The following COL4A4 variants were observed in gnomAD, a reference collection of about 807,000 sequenced individuals.
The protein encoded by COL4A4 is collagen alpha-4(IV) chain.
A neutral mutation model predicts 192.9 loss-of-function variants in COL4A4; 105 were observed. The observed-to-expected ratio is 0.54, with a 90% CI of 0.46 to 0.64. COL4A4 has a LOEUF of 0.64. Among genes scored for constraint, COL4A4 ranks in the 30% least tolerant of loss-of-function variants. The pLI is 0.00. For synonymous variants in COL4A4, 762 were observed against 769.9 expected, an observed-to-expected ratio of 0.99 and a Z score of 0.17; for missense variants, 1,967 against 2,169.3, an observed-to-expected ratio of 0.91 and a Z score of 1.85.
rs561500837 is a variant in COL4A4, at chr2:227,004,482, C to T, written c.*2843G>A. On this transcript the variant is annotated 3_prime_UTR_variant, in exon 48 of 48. Coordinates refer to ENST00000396625, the MANE Select transcript of COL4A4 (RefSeq NM_000092.5). ...ATTTGGACTTCATGGGCAGCGGAGT[C>T]ACAGAAGGATTCTAATCCAGAGGGT... The T allele has an allele frequency of 1.3e-5, 2 of 152,332 alleles. No individual in the cohort carries two copies. Among genetic ancestry groups the T allele is most frequent in the South Asian group, 4.2e-4 (2 of 4,818 alleles). 9.4% of individuals were successfully genotyped at this position (152,332 alleles called of 1,614,324 possible).
At position 227,029,767 on chromosome 2, in the gene COL4A4, A is replaced by G. The variant is rs554984011; in HGVS notation, c.3973+676T>C. 1.1e-3 allele frequency among the ~76,000 whole-genome samples: 163 copies of G among 152,352 alleles called. 1 individual carries two copies. The highest frequency in any genetic ancestry group is 0.01 in the Middle Eastern group (3 of 294). Reference sequence around the variant, plus strand: ...GATCTCCCCAAATATTAGCAGTTGGATAAAAATTGATTAAAATAAATATTT... The same window carrying G: ...GATCTCCCCAAATATTAGCAGTTGGGTAAAAATTGATTAAAATAAATATTT... On this transcript the variant is annotated intron_variant, in intron 41 of 47. Transcript: ENST00000396625.
intron 37 of COL4A4, among the ~76,000 whole-genome samples, chr2:227,039,928 T>C (rs1470377190): frequency 6.6e-6 from 1 of 152,202 alleles, no homozygotes; most frequent in African/African-American, 2.4e-5. Context: ...AGATGTCTTG[T>C]GAAGGGAACT....
chr2:226,994,137 C>T, the COL4A4 span, among the ~76,000 whole-genome samples: 10 of 152,200 alleles, frequency 6.6e-5, no homozygotes, highest in Non-Finnish European at 1.3e-4. Context: ...CAGTTCCCTT[C>T]ATGGGCAATG....
At chr2:226,981,828 G>C in the COL4A4 span, among the ~76,000 whole-genome samples, 1 of 152,134 alleles carries the variant, frequency 6.6e-6, no homozygotes, top group African/African-American at 2.4e-5. Context: ...CTCAGCTCTG[G>C]GGTGCAGAGA....
intron 4 of COL4A4, among the ~76,000 whole-genome samples, chr2:227,135,788 G>A (rs538264505): frequency 1.3e-4 from 20 of 152,014 alleles, no homozygotes; most frequent in Admixed American, 5.9e-4. Flanking sequence ...GATTACAGGC[G>A]CCCGCCACCA....
intron 12 of COL4A4, among the ~76,000 whole-genome samples, chr2:227,107,101 C>T (rs1246719116): frequency 2.0e-5 from 3 of 152,318 alleles, no homozygotes; most frequent in South Asian, 4.1e-4. Context: ...TTCCAGAGCT[C>T]CATGGCTTCC....
the COL4A4 span, among the ~76,000 whole-genome samples, chr2:226,989,383 G>A: frequency 1.3e-5 from 2 of 152,188 alleles, no homozygotes; most frequent in East Asian, 1.9e-4. Flanking sequence ...TTGGGTAACG[G>A]GGTATAGTAA....
At chr2:226,971,849 A>G in the COL4A4 span, among the ~76,000 whole-genome samples, 1 of 151,724 alleles carries the variant, frequency 6.6e-6, no homozygotes, top group South Asian at 2.1e-4. Context: ...AAAGCTCTAG[A>G]ATTTGGTGGC....
At chr2:227,079,104 C>G (rs1474456799) in intron 24 of COL4A4, among the ~76,000 whole-genome samples, 1 of 152,176 alleles carries the variant, frequency 6.6e-6, no homozygotes, top group Non-Finnish European at 1.5e-5. Context: ...GGGTCTCATC[C>G]CTTCTTGCAC....
chr2:227,155,697 A>G (rs573590885), intron 1 of COL4A4, among the ~76,000 whole-genome samples: 14 of 152,096 alleles, frequency 9.2e-5, no homozygotes, highest in Non-Finnish European at 1.9e-4. Flanking sequence ...TGAGGCTAGC[A>G]TTTGCCTTCG....
chr2:227,099,286 C>T (rs1379428133), intron 18 of COL4A4, among the ~76,000 whole-genome samples: 1 of 152,084 alleles, frequency 6.6e-6, no homozygotes. Context: ...AGGCTGGTCT[C>T]GAACTCCTGA....
intron 41 of COL4A4, among the ~76,000 whole-genome samples, chr2:227,028,610 G>A (rs962089460): frequency 6.6e-6 from 1 of 151,132 alleles, no homozygotes; most frequent in South Asian, 2.1e-4. Flanking sequence ...GTGCATGTCT[G>A]TCTTCCATGA....
At chr2:227,099,513 C>T in intron 18 of COL4A4, 107 bp downstream of exon 18, 1 of 1,000,756 alleles carries the variant, frequency 1.0e-6, no homozygotes, top group Non-Finnish European at 1.6e-6. Context: ...GTGCATTCAG[C>T]CTGCCTAGTG....
chr2:226,991,392 G>A, the COL4A4 span, among the ~76,000 whole-genome samples: 23 of 152,216 alleles, frequency 1.5e-4, no homozygotes, highest in Admixed American at 1.2e-3. Flanking sequence ...ACGTTGGCCC[G>A]GATGGTCTCA....
chr2:226,997,124 T>C, the COL4A4 span: 1 of 152,204 alleles, frequency 6.6e-6, no homozygotes, highest in Non-Finnish European at 1.5e-5. Context: ...CACTGGAGCC[T>C]TGGGAGCTCT....
intron 6 of COL4A4, among the ~76,000 whole-genome samples, chr2:227,119,290 T>G (rs56343536): frequency 0.095 from 14,462 of 151,734 alleles, 1,027 homozygotes; most frequent in African/African-American, 0.2. Context: ...TGTACAAAAT[T>G]TAAATGTAAA....
intron 14 of COL4A4, 66 bp from the exon 15 acceptor site, chr2:227,102,914 T>C (rs906964732): frequency 1.3e-5 from 5 of 399,112 alleles, no homozygotes; most frequent in Non-Finnish European, 2.0e-5. Flanking sequence ...GAAAGCAATA[T>C]TTCAGCAATA....
At chr2:227,083,844 G>A (rs905539854) in intron 22 of COL4A4, among the ~76,000 whole-genome samples, 1 of 152,152 alleles carries the variant, frequency 6.6e-6, no homozygotes, top group Non-Finnish European at 1.5e-5. Flanking sequence ...AGCTATAGAG[G>A]GGAGGAGGGT....
chr2:226,997,198 C>A, the COL4A4 span: 1 of 152,184 alleles, frequency 6.6e-6, no homozygotes, highest in South Asian at 2.1e-4. Flanking sequence ...TGATATAAAA[C>A]TACATCTTCT....
Sources: allele counts gnomAD v4.1 joint callset (sites outside exome capture counted in the v4.1 genomes callset), GRCh38; gene constraint gnomAD v4.1.1; transcripts MANE v1.5; gene names NCBI Gene and HGNC (gene_info 2026-07-23, HGNC 2026-07-21).